ROS1: variants seen among roughly 807,000 people sequenced by gnomAD.
ROS1 encodes the protein ROS proto-oncogene 1, receptor tyrosine kinase.
ROS1 carries 263 observed loss-of-function variants against 273.5 expected under a neutral mutation model. The ratio of observed to expected loss-of-function variants is 0.96; its 90% CI spans 0.87 to 1.06. ROS1 has a LOEUF of 1.06. Among genes scored for constraint, ROS1 ranks in the 50% least tolerant of loss-of-function variants. The pLI is 0.00. For synonymous variants in ROS1, 1,008 were observed against 954.1 expected (o/e 1.06, Z -1.04); for missense variants, 2,833 against 2,751.1 (o/e 1.03, Z -0.67).
Position 117,386,929 on chromosome 6 carries a change from G to C in ROS1, c.2070C>G (p.Gly690=). ...TATCAGAGGATAAGAACTCTCCTGGGCCAAAGCTATTTAATGGTTTACTCC... is the reference window on the plus strand; with the variant it reads ...TATCAGAGGATAAGAACTCTCCTGGCCCAAAGCTATTTAATGGTTTACTCC... ...GLWSKPLNSF[G]PGEFLSSDIG... The change falls in exon 15 of 44, where the codon GGC becomes GGG. Residue 690 remains glycine, a synonymous_variant. Transcript: ENST00000368507. 2 of 1,612,146 alleles carry C rather than the reference G, an allele frequency of 1.2e-6. No individual in the cohort carries two copies. Among genetic ancestry groups the C allele is most frequent in the Non-Finnish European group, 1.7e-6 (2 of 1,178,468 alleles).
intron 7 of ROS1, 134 bp from the exon 8 acceptor site, chr6:117,397,250 T>C: frequency 3.1e-6 from 2 of 637,714 alleles, no homozygotes; most frequent in South Asian, 2.0e-5. Context: ...ATACTCAAAA[T>C]ATGTGATAGA....
chr6:117,310,374 G>T, intron 40 of ROS1, 93 bp from the exon 41 acceptor site: 5 of 895,394 alleles, frequency 5.6e-6, no homozygotes, highest in Non-Finnish European at 6.5e-6. Context: ...GTAAAGAAGA[G>T]AAACTATTTT....
chr6:117,385,445 C>T (rs978807539), intron 16 of ROS1, among the ~76,000 whole-genome samples: 2 of 151,860 alleles, frequency 1.3e-5, no homozygotes, highest in Admixed American at 6.6e-5. Flanking sequence ...ATTCCAGCTA[C>T]TCGGGAGGCA....
chr6:117,399,141 T>G (rs984354918), intron 7 of ROS1, among the ~76,000 whole-genome samples: 2 of 152,122 alleles, frequency 1.3e-5, no homozygotes, highest in Admixed American at 1.3e-4. Flanking sequence ...AGGACACCCA[T>G]GTAGGGTCTA....
intron 12 of ROS1, among the ~76,000 whole-genome samples, chr6:117,390,807 AT>A (rs1268783772): frequency 1.4e-4 from 22 of 152,242 alleles, no homozygotes; most frequent in African/African-American, 5.3e-4. Context: ...AGAGAAGCAC[AT>A]CTAATTTAAA....
chr6:117,365,809 T>C (rs1302842496), intron 19 of ROS1, 68 bp from the exon 20 acceptor site: 2 of 1,250,564 alleles, frequency 1.6e-6, no homozygotes, highest in Non-Finnish European at 1.1e-6. Context: ...ATAGAAATCA[T>C]AGAAAATCAA....
At chr6:117,374,035 G>C (rs1298702312) in intron 18 of ROS1, among the ~76,000 whole-genome samples, 1 of 152,210 alleles carries the variant, frequency 6.6e-6, no homozygotes, top group Non-Finnish European at 1.5e-5. Flanking sequence ...TGGATGGGTA[G>C]AATCACTATT....
rs753367775 is a variant in ROS1, at chr6:117,418,463, G to A, written c.167C>T (p.Pro56Leu). ...TTGACAACTGAAGAAATTACTTACC[G>A]GTTCACTCAGATTATGTGGTGTGCC... ...DLGTPHNLSE[P>L]CIQGCHFWNS... The change falls in exon 2 of 44, where the codon CCG (proline) becomes CTG (leucine). Residue 56 changes from proline (P) to leucine (L), a missense_variant and splice_region_variant. Physicochemically the swap from Pro to Leu is moderately conservative, Grantham distance 98. Coordinates refer to ENST00000368507, the MANE Select transcript of ROS1 (RefSeq NM_001378902.1). 73 of 1,593,214 alleles carry A rather than the reference G, an allele frequency of 4.6e-5. 1 individual carries two copies. Among genetic ancestry groups the A allele is most frequent in the South Asian group, 3.4e-4 (30 of 87,152 alleles).
In ROS1 at chr6:117,366,140, A is replaced by C. The variant is rs758970545; in HGVS notation, c.2733T>G (p.Ser911=). Reference sequence around the variant, plus strand: ...GATTAAATCTGGCTGGTTCCAAAACAGAGACACTGGTTTTCTGACCTATTT... The same window carrying C: ...GATTAAATCTGGCTGGTTCCAAAACCGAGACACTGGTTTTCTGACCTATTT... ...TQEIGQKTSV[S]VLEPARFNQF... Residue 911 remains serine (S), a synonymous_variant, in exon 19 of 44, where the codon TCT becomes TCG. Transcript: ENST00000368507. The C allele has an allele frequency of 9.9e-6, 16 of 1,614,178 alleles. No individual in the cohort carries two copies. In the Admixed American group the frequency reaches 1.0e-4, roughly 10 times the overall value.
intron 42 of ROS1, among the ~76,000 whole-genome samples, chr6:117,306,883 G>A (rs1775142184): frequency 6.6e-6 from 1 of 152,096 alleles, no homozygotes; most frequent in South Asian, 2.1e-4. Flanking sequence ...CCTTCCCAGG[G>A]CTTGTTAGAG....
At chr6:117,292,140 T>C (rs1436975998) in intron 43 of ROS1, among the ~76,000 whole-genome samples, 2 of 152,028 alleles carry the variant, frequency 1.3e-5, no homozygotes, top group Non-Finnish European at 2.9e-5. Context: ...CAGCTAATTT[T>C]TTCTATTTTT....
At chr6:117,393,078 C>A in intron 12 of ROS1, 146 bp downstream of exon 12, 1 of 686,362 alleles carries the variant, frequency 1.5e-6, no homozygotes, top group Admixed American at 2.4e-5. Context: ...AGAATGAAAA[C>A]TTTGCCTGAA....
chr6:117,400,147 C>T (rs1773827361), intron 7 of ROS1, among the ~76,000 whole-genome samples: 1 of 152,172 alleles, frequency 6.6e-6, no homozygotes, highest in South Asian at 2.1e-4. Context: ...CTTGGTGACC[C>T]TGGTCACATA....
intron 21 of ROS1, among the ~76,000 whole-genome samples, chr6:117,363,840 G>A (rs537227455): frequency 3.8e-4 from 57 of 151,906 alleles, no homozygotes; most frequent in Middle Eastern, 6.8e-3. Context: ...TCTCCCTCCT[G>A]TTTTATGAAC....
At chr6:117,384,382 A>G (rs2128694307) in intron 16 of ROS1, among the ~76,000 whole-genome samples, 1 of 152,324 alleles carries the variant, frequency 6.6e-6, no homozygotes, top group South Asian at 2.1e-4. Flanking sequence ...AATTCTACAC[A>G]ATAAAAGAAT....
chr6:117,420,300 A>G (rs1775653729), intron 1 of ROS1, among the ~76,000 whole-genome samples: 1 of 151,746 alleles, frequency 6.6e-6, no homozygotes, highest in African/African-American at 2.4e-5. Context: ...ATCTGCTTCC[A>G]GTAGTCAAAT....
At chr6:117,367,409 T>G (rs1780359904) in intron 18 of ROS1, among the ~76,000 whole-genome samples, 1 of 152,250 alleles carries the variant, frequency 6.6e-6, no homozygotes, top group Non-Finnish European at 1.5e-5. Context: ...GCACACAGAA[T>G]AACTCTGTTA....
chr6:117,366,250 T>C lies in ROS1; in HGVS notation c.2623A>G (p.Thr875Ala), dbSNP rs775105679. Residue 875 changes from threonine (T) to alanine (A), a missense_variant, in exon 19 of 44, where the codon ACT (threonine) becomes GCT (alanine). By Grantham distance (58) the Thr-to-Ala change is moderately conservative. Transcript: ENST00000368507. ...AGTGCATTCTGGGAAATTTCAGAAG[T>C]ACTCCAGGCTGCAAATTCTGTGATG... is the stretch of plus-strand genomic sequence containing the variant. ...TTITEFAAWS[T>A]SEISQNALMY... 1.9e-6 allele frequency: 3 copies of C among 1,614,124 alleles called. No individual in the cohort carries two copies. Among genetic ancestry groups the C allele is most frequent in the South Asian group, 2.2e-5 (2 of 91,080 alleles).
Position 117,318,197 on chromosome 6 carries a change from T to A in ROS1, c.5978A>T (p.His1993Leu), listed in dbSNP as rs756583901. The change falls in exon 38 of 44, where the codon CAT becomes CTT. Residue 1993 changes from histidine to leucine, a missense_variant. Transcript: ENST00000368507. Reference sequence around the variant, plus strand: ...ATTATTTCAGAGCTACCTCATCAGATGTGCCTCCTTCAGGAATTCAATCTT... The same window carrying A: ...ATTATTTCAGAGCTACCTCATCAGAAGTGCCTCCTTCAGGAATTCAATCTT... Reference protein sequence around the residue: ...QEKIEFLKEAHLMSKFNHPNI... With the variant: ...QEKIEFLKEALLMSKFNHPNI... 6.2e-7 allele frequency: 1 copy of A among 1,612,612 alleles called. No individual in the cohort carries two copies. The highest frequency in any genetic ancestry group is 8.5e-7 in the Non-Finnish European group (1 of 1,179,020).
Sources: gnomAD v4.1 joint callset for allele counts (sites outside exome capture counted in the v4.1 genomes callset) on GRCh38, gnomAD v4.1.1 for gene constraint, MANE v1.5 for transcripts, NCBI Gene and HGNC (gene_info 2026-07-23, HGNC 2026-07-21) for gene names.